Variants in USP45 observed in about 807,000 individuals in gnomAD.
USP45 encodes ubiquitin specific peptidase 45.
Under a neutral mutation model 95.8 loss-of-function variants are expected in USP45, and 89 were observed. The ratio of observed to expected loss-of-function variants is 0.93; its 90% CI spans 0.78 to 1.11. The LOEUF is 1.11. Ranked by LOEUF, USP45 falls within the 50% of genes least tolerant of loss-of-function variation. USP45 has a pLI of 0.00. For missense variants in USP45, 898 were observed against 942.5 expected, an observed-to-expected ratio of 0.95 and a Z score of 0.62; for synonymous variants, 281 against 316.2, an observed-to-expected ratio of 0.89 and a Z score of 1.18.
intron 2 of USP45, 75 bp downstream of exon 2, chr6:99,510,046 C>T: frequency 2.6e-6 from 3 of 1,145,306 alleles, no homozygotes; most frequent in Non-Finnish European, 3.9e-6. Flanking sequence ...AGCGTTCAAA[C>T]CCATGTTGTT....
chr6:99,460,431 A>G (rs1469967793), intron 13 of USP45, among the ~76,000 whole-genome samples: 1 of 152,168 alleles, frequency 6.6e-6, no homozygotes, highest in Non-Finnish European at 1.5e-5. Flanking sequence ...CACATGATAA[A>G]CAAAAATATC....
chr6:99,433,886 A>G lies in USP45; in HGVS notation c.*1830T>C, dbSNP rs112133078. ...TTCTGTAAGAAAAATTAGGTGATCT[A>G]TATTTACATTTGGGCAGTGGGGGGA... On this transcript the variant is annotated 3_prime_UTR_variant, in exon 18 of 18. Coordinates refer to ENST00000500704, the MANE Select transcript of USP45 (RefSeq NM_001346022.3). 2.0e-5 allele frequency: 3 copies of G among 152,326 alleles called. No individual in the cohort carries two copies. The highest frequency in any genetic ancestry group is 7.2e-5 in the African/African-American group (3 of 41,582). The allele number at this position is 152,326 out of a possible 1,614,324, so 9.4% of individuals were successfully genotyped here. A position where few individuals can be genotyped will look rare whatever the true frequency, so the allele number is the denominator to read the frequency against.
intron 13 of USP45, chr6:99,461,737 A>G: frequency 3.0e-6 from 3 of 985,162 alleles, no homozygotes; most frequent in Admixed American, 6.1e-5. Context: ...TGATCAAATC[A>G]GTACTTGTGC....
chr6:99,448,194 T>G (rs1782973431), intron 13 of USP45, among the ~76,000 whole-genome samples: 1 of 152,220 alleles, frequency 6.6e-6, no homozygotes. Flanking sequence ...GGACGGAGAA[T>G]GACTTTGACG....
At chr6:99,451,770 C>A (rs1783905195) in intron 13 of USP45, among the ~76,000 whole-genome samples, 1 of 152,222 alleles carries the variant, frequency 6.6e-6, no homozygotes, top group African/African-American at 2.4e-5. Flanking sequence ...GGCTACCTGA[C>A]TTCAAACTAT....
chr6:99,492,528 C>G (rs1338657135), intron 5 of USP45, among the ~76,000 whole-genome samples: 1 of 150,786 alleles, frequency 6.6e-6, no homozygotes, highest in Non-Finnish European at 1.5e-5. Flanking sequence ...GAGTCTTGCT[C>G]TGTCTCCCAG....
rs560761464 is a variant in USP45 at position 99,454,228 on chromosome 6, C to A, written c.1309-7765G>T. Reference sequence around the variant, plus strand: ...ACTGGGGGAAGGACGCCCTCTTCAACAAATGGTACTGGGAAAACTGGTTAT... The same window carrying A: ...ACTGGGGGAAGGACGCCCTCTTCAAAAAATGGTACTGGGAAAACTGGTTAT... On this transcript the variant is annotated intron_variant, in intron 13 of 17. Coordinates refer to ENST00000500704, the MANE Select transcript of USP45 (RefSeq NM_001346022.3). 2.0e-5 allele frequency among the ~76,000 whole-genome samples: 3 copies of A among 152,252 alleles called. No homozygotes were observed. In the East Asian group the frequency reaches 5.8e-4, roughly 29 times the overall value.
chr6:99,488,091 G>GC, intron 7 of USP45, 109 bp downstream of exon 7: 1 of 666,204 alleles, frequency 1.5e-6, no homozygotes. Flanking sequence ...TTATTTTTAA[G>GC]CCCCCTGGCT....
chr6:99,504,679 G>A (rs376738749), intron 4 of USP45, among the ~76,000 whole-genome samples: 3 of 152,116 alleles, frequency 2.0e-5, no homozygotes, highest in Non-Finnish European at 2.9e-5. Flanking sequence ...CAATGTCAGC[G>A]ATTCTCAATG....
chr6:99,437,120 T>TCAATG, intron 17 of USP45, 126 bp downstream of exon 17: 1 of 727,228 alleles, frequency 1.4e-6, no homozygotes. Context: ...ATCAATCAAT[T>TCAATG]AAGTTAAAAT....
chr6:99,474,300 C>G (rs975056045), intron 9 of USP45, among the ~76,000 whole-genome samples: 1 of 152,130 alleles, frequency 6.6e-6, no homozygotes, highest in Non-Finnish European at 1.5e-5. Flanking sequence ...CGGGTTCAAG[C>G]AATTCTCATG....
intron 15 of USP45, among the ~76,000 whole-genome samples, chr6:99,442,138 C>A (rs1781640595): frequency 6.6e-6 from 1 of 152,188 alleles, no homozygotes; most frequent in Non-Finnish European, 1.5e-5. Context: ...CCTTTAAGGG[C>A]AAGAATTATT....
intron 7 of USP45, among the ~76,000 whole-genome samples, chr6:99,486,505 T>G (rs1398857141): frequency 1.3e-5 from 2 of 152,046 alleles, no homozygotes; most frequent in African/African-American, 4.8e-5. Context: ...AATAGGGCAT[T>G]GGAATCTATC....
intron 11 of USP45, 90 bp from the exon 12 acceptor site, chr6:99,465,226 C>A (rs1787633749): frequency 1.8e-6 from 2 of 1,100,230 alleles, no homozygotes; most frequent in South Asian, 2.1e-5. Flanking sequence ...ACTTCCCGGG[C>A]AACCTAAAAT....
At chr6:99,457,765 C>T (rs1238834581) in intron 13 of USP45, among the ~76,000 whole-genome samples, 1 of 152,044 alleles carries the variant, frequency 6.6e-6, no homozygotes, top group African/African-American at 2.4e-5. Flanking sequence ...GATACATATC[C>T]GAGGCATTAC....
At chr6:99,488,347 A>G in intron 6 of USP45, 52 bp from the exon 7 acceptor site, 1 of 1,159,102 alleles carries the variant, frequency 8.6e-7, no homozygotes, top group East Asian at 2.5e-5. Flanking sequence ...TATGCCTCTG[A>G]TTTTATGGAA....
rs1307499923 is a variant in USP45 at position 99,457,290 on chromosome 6, T to C, written c.1308+7314A>G. ...GACCCACACCTATTTGCACACTCCCTCCCCTTTTGAAAATCCCTAATAAAA... is the reference window on the plus strand; with the variant it reads ...GACCCACACCTATTTGCACACTCCCCCCCCTTTTGAAAATCCCTAATAAAA... On this transcript the variant is annotated intron_variant, in intron 13 of 17. Transcript: ENST00000500704. Among the ~76,000 whole-genome samples, 5 of 152,104 alleles carry C rather than the reference T, an allele frequency of 3.3e-5. No homozygotes were observed. In the East Asian group the frequency reaches 9.6e-4, roughly 29 times the overall value.
Position 99,488,806 on chromosome 6 carries a change from T to G in USP45, c.493A>C (p.Ile165Leu). ...SKTQTSAFSR[I>L]MKLCEEKCET... ...CATTTTTCTTCACAAAGTTTCATGA[T>G]TCTAGAAAATGCACCTACAAGTTAG... The change falls in exon 6 of 18, where the codon ATC (isoleucine) becomes CTC (leucine). Residue 165 changes from isoleucine (I) to leucine (L), a missense_variant. Physicochemically the swap from Ile to Leu is conservative, Grantham distance 5 (BLOSUM62 2). Transcript: ENST00000500704. 6.3e-7 allele frequency: 1 copy of G among 1,589,544 alleles called. No homozygotes were observed.
chr6:99,494,034 C>G (rs991795322), intron 5 of USP45, among the ~76,000 whole-genome samples: 3 of 152,076 alleles, frequency 2.0e-5, no homozygotes, highest in Non-Finnish European at 4.4e-5. Flanking sequence ...TAAAGACAAA[C>G]TATACAAAAT....
Sources: allele counts gnomAD v4.1 joint callset (sites outside exome capture counted in the v4.1 genomes callset), GRCh38; gene constraint gnomAD v4.1.1; transcripts MANE v1.5; gene names NCBI Gene and HGNC (gene_info 2026-07-23, HGNC 2026-07-21).